The following TPO variants were observed in gnomAD, a reference collection of about 807,000 sequenced individuals.
TPO encodes the protein thyroid peroxidase.
Under a neutral mutation model 96.9 loss-of-function variants are expected in TPO, and 78 were observed. That is an observed-to-expected ratio of 0.81 (90% confidence interval 0.67 to 0.97). The LOEUF is 0.97. TPO is among the 50% of genes least tolerant of loss of function. The pLI is 0.00. For synonymous variants in TPO, 547 were observed against 538.0 expected (o/e 1.02, Z -0.23); for missense variants, 1,252 against 1,274.8 (o/e 0.98, Z 0.27).
chr2:1,453,925 C>T (rs113216515), intron 6 of TPO, 102 bp downstream of exon 6: 45 of 1,531,770 alleles, frequency 2.9e-5, no homozygotes, highest in Middle Eastern at 3.4e-4. Flanking sequence ...CTGGGTGCTG[C>T]GTGCAATCCC....
intron 14 of TPO, among the ~76,000 whole-genome samples, chr2:1,510,953 A>G (rs1036214873): frequency 6.6e-6 from 1 of 152,236 alleles, no homozygotes; most frequent in African/African-American, 2.4e-5. Flanking sequence ...AACTCTCCCT[A>G]TATAAGTTTA....
upstream of TPO, among the ~76,000 whole-genome samples, chr2:1,408,686 C>A (rs79450709): frequency 3.0e-3 from 462 of 152,290 alleles, 1 homozygote; most frequent in Non-Finnish European, 4.9e-3. Context: ...AAAGTACATT[C>A]ATTAATTAAT....
At chr2:1,403,639 C>T (rs1662203659) in intron 1 of TPO, among the ~76,000 whole-genome samples, 2 of 152,190 alleles carry the variant, frequency 1.3e-5, no homozygotes, top group South Asian at 4.1e-4. Context: ...TGCCCCCTTA[C>T]CATGTGAACT....
chr2:1,497,711 A>G (rs994852086), intron 13 of TPO, among the ~76,000 whole-genome samples: 8 of 152,140 alleles, frequency 5.3e-5, no homozygotes, highest in African/African-American at 1.9e-4. Context: ...CAGGGACTGC[A>G]TTTTAGGAGA....
intron 5 of TPO, among the ~76,000 whole-genome samples, chr2:1,450,469 TTC>T (rs1447298520): frequency 1.3e-5 from 2 of 152,182 alleles, no homozygotes; most frequent in African/African-American, 4.8e-5. Flanking sequence ...CCAGAAATGT[TTC>T]TCTTTGTTCA....
At chr2:1,459,875 G>A (rs976526000) in intron 7 of TPO, among the ~76,000 whole-genome samples, 5 of 152,066 alleles carry the variant, frequency 3.3e-5, no homozygotes, top group Non-Finnish European at 7.4e-5. Context: ...TCTCTGCAGA[G>A]CCCCCTCACC....
chr2:1,524,539 C>A (rs1675978483), intron 15 of TPO, among the ~76,000 whole-genome samples: 1 of 132,814 alleles, frequency 7.5e-6, no homozygotes, highest in Non-Finnish European at 1.6e-5. Flanking sequence ...CCACTGTGTG[C>A]AACCTCAGGT....
rs1672283322 is a variant in TPO, at chr2:1,495,911, G to A, written c.2007-78G>A. On this transcript the variant is annotated intron_variant, in intron 11 of 16. Coordinates refer to ENST00000329066, the MANE Select transcript of TPO (RefSeq NM_001206744.2). ...CAGGAGAGGCTGGCAGCACACAGCT[G>A]TGGGCAGCTGGTCTTGAGTGCCTGC... The A allele has an allele frequency of 5.4e-6, 8 of 1,481,034 alleles. No homozygotes were observed. The Admixed American group carries it at 1.3e-4, about 24-fold the overall frequency. The allele number at this position is 1,481,034 out of a possible 1,614,324, so 91.7% of individuals were successfully genotyped here.
intron 7 of TPO, among the ~76,000 whole-genome samples, chr2:1,462,173 G>C (rs1197335386): frequency 6.6e-6 from 1 of 152,208 alleles, no homozygotes; most frequent in East Asian, 1.9e-4. Context: ...GCACATGCTT[G>C]TGGGACCCTG....
intron 3 of TPO, among the ~76,000 whole-genome samples, chr2:1,427,049 A>G (rs62105604): frequency 0.29 from 43,671 of 151,982 alleles, 6,716 homozygotes; most frequent in African/African-American, 0.37. Flanking sequence ...ACTTACCTGG[A>G]TAGCATGGGG....
In TPO at chr2:1,542,693, C is replaced by G; in HGVS notation, c.*219C>G. The G allele has an allele frequency of 2.2e-6, 3 of 1,392,642 alleles. No individual in the cohort carries two copies. The highest frequency in any genetic ancestry group is 2.9e-6 in the Non-Finnish European group (3 of 1,024,710). The allele number at this position is 1,392,642 out of a possible 1,614,324, so 86.3% of individuals were successfully genotyped here. A position where few individuals can be genotyped will look rare whatever the true frequency, so the allele number is the denominator to read the frequency against. ...GTAAACATTGCCTGATTTGTTCCTTCTGGGGCTTTGCCATTAAAATGTATT... is the reference window on the plus strand; with the variant it reads ...GTAAACATTGCCTGATTTGTTCCTTGTGGGGCTTTGCCATTAAAATGTATT... On this transcript the variant is annotated 3_prime_UTR_variant, in exon 17 of 17. Coordinates refer to ENST00000329066, the MANE Select transcript of TPO (RefSeq NM_001206744.2).
chr2:1,419,370 C>T (rs575923440), intron 2 of TPO, among the ~76,000 whole-genome samples: 6 of 152,264 alleles, frequency 3.9e-5, no homozygotes, highest in East Asian at 1.9e-4. Context: ...GCAGAGCTAA[C>T]GATAGCAAGG....
intron 7 of TPO, among the ~76,000 whole-genome samples, chr2:1,475,741 C>A (rs1274426311): frequency 6.6e-6 from 1 of 152,220 alleles, no homozygotes; most frequent in African/African-American, 2.4e-5. Context: ...CGTGAGCCCC[C>A]GCGCCCGGCC....
chr2:1,472,827 C>CAAA (rs34064729), intron 7 of TPO, among the ~76,000 whole-genome samples: 2,537 of 48,250 alleles, frequency 0.053, 336 homozygotes, highest in African/African-American at 0.13. Context: ...TGTTTGGCGG[C>CAAA]AAAAAAAAAA....
chr2:1,413,271 A>T (rs368589335), upstream of TPO, among the ~76,000 whole-genome samples: 1 of 152,234 alleles, frequency 6.6e-6, no homozygotes, highest in African/African-American at 2.4e-5. Context: ...CAGAGGCTGG[A>T]CTGCATGTGG....
At chr2:1,423,723 T>A (rs965954361) in intron 3 of TPO, among the ~76,000 whole-genome samples, 1 of 152,218 alleles carries the variant, frequency 6.6e-6, no homozygotes, top group Non-Finnish European at 1.5e-5. Context: ...TATAAGTTCT[T>A]GAGATACAAA....
intron 1 of TPO, among the ~76,000 whole-genome samples, chr2:1,385,836 C>A (rs1459932989): frequency 6.6e-6 from 1 of 152,006 alleles, no homozygotes; most frequent in East Asian, 1.9e-4. Context: ...TTCCTGCTTT[C>A]TCTTGTGGGC....
intron 3 of TPO, among the ~76,000 whole-genome samples, chr2:1,432,280 T>A (rs527851588): frequency 1.3e-5 from 2 of 152,358 alleles, no homozygotes; most frequent in Admixed American, 1.3e-4. Context: ...TGCAGGTGCC[T>A]GGACAATGCT....
chr2:1,402,006 A>G (rs1463913099), intron 1 of TPO, among the ~76,000 whole-genome samples: 2 of 152,242 alleles, frequency 1.3e-5, no homozygotes, highest in African/African-American at 4.8e-5. Flanking sequence ...GTGAGTGGGC[A>G]GGTGGAGGGC....
Sources: allele counts gnomAD v4.1 joint callset (sites outside exome capture counted in the v4.1 genomes callset), GRCh38; gene constraint gnomAD v4.1.1; transcripts MANE v1.5; gene names NCBI Gene and HGNC (gene_info 2026-07-23, HGNC 2026-07-21).